Variants in SYCP1 observed in about 807,000 individuals in gnomAD.
SYCP1 encodes synaptonemal complex protein 1.
SYCP1 carries 64 observed loss-of-function variants against 153.1 expected under a neutral mutation model. The observed-to-expected ratio is 0.42, with a 90% CI of 0.34 to 0.51. The LOEUF (loss-of-function observed/expected upper bound fraction) is 0.51, where lower values mean the gene tolerates loss of function less well. Ranked by LOEUF, SYCP1 falls within the 20% of genes least tolerant of loss-of-function variation. SYCP1 has a pLI of 0.06. For synonymous variants in SYCP1, 384 were observed against 341.8 expected, an observed-to-expected ratio of 1.12 and a Z score of -1.36; for missense variants, 997 against 1,049.0, an observed-to-expected ratio of 0.95 and a Z score of 0.68.
At position 114,981,384 on chromosome 1, in the gene SYCP1, G is replaced by T; in HGVS notation, c.2431G>T (p.Asp811Tyr). The change falls in exon 29 of 32, where the codon GAT (aspartate) becomes TAT (tyrosine). Residue 811 changes from aspartate to tyrosine, a missense_variant. Coordinates refer to ENST00000369522, the MANE Select transcript of SYCP1 (RefSeq NM_003176.4). ...LETPEIYWKL[D>Y]SKAVPSQTVS... ...AACACCTGAAATTTATTGGAAATTG[G>T]ATTCTAAAGCAGTTCCTTCACAAAC... 4 of 1,603,100 alleles carry T rather than the reference G, an allele frequency of 2.5e-6. No homozygotes were observed. Among genetic ancestry groups the T allele is most frequent in the Non-Finnish European group, 3.4e-6 (4 of 1,176,494 alleles).
intron 15 of SYCP1, among the ~76,000 whole-genome samples, chr1:114,890,805 T>G (rs1444006153): frequency 1.3e-5 from 2 of 152,218 alleles, no homozygotes; most frequent in Non-Finnish European, 2.9e-5. Context: ...AACACCTAAC[T>G]CATAAAATAT....
intron 2 of SYCP1, 152 bp from the exon 3 acceptor site, chr1:114,856,421 C>A: frequency 2.3e-6 from 1 of 441,008 alleles, no homozygotes; most frequent in African/African-American, 2.0e-5. Flanking sequence ...ATAGAAAAGG[C>A]ATTTGATATT....
In SYCP1 at chr1:114,968,295, C is replaced by G. The variant is rs539326202; in HGVS notation, c.2323-9262C>G. ...TGTTTTCCAACTTGGTTCCATTCTC[C>G]CTGTCACTTTCAGGTACACCAATCA... On this transcript the variant is annotated intron_variant, in intron 27 of 31. Transcript: ENST00000369522. Among the ~76,000 whole-genome samples the G allele has an allele frequency of 5.9e-5, 9 of 152,280 alleles. No homozygotes were observed. In the East Asian group the frequency reaches 1.7e-3, roughly 29 times the overall value.
At chr1:114,897,378 A>G (rs1667141568) in intron 16 of SYCP1, among the ~76,000 whole-genome samples, 1 of 152,172 alleles carries the variant, frequency 6.6e-6, no homozygotes, top group African/African-American at 2.4e-5. Flanking sequence ...ATATGTATCA[A>G]AATAAAATGT....
intron 28 of SYCP1, 47 bp from the exon 29 acceptor site, chr1:114,981,289 A>G (rs1404762956): frequency 3.6e-6 from 5 of 1,374,658 alleles, no homozygotes; most frequent in Non-Finnish European, 4.0e-6. Flanking sequence ...TAAATAATTA[A>G]TGTGACATTT....
In SYCP1 at chr1:114,981,345, A is replaced by G. The variant is rs1024904543; in HGVS notation, c.2392A>G (p.Thr798Ala). The G allele has an allele frequency of 1.3e-6, 2 of 1,588,554 alleles. No homozygotes were observed. Among genetic ancestry groups the G allele is most frequent in the Non-Finnish European group, 1.7e-6 (2 of 1,171,110 alleles). ...TTGTTGTTCAATGCAGAAAACACAA[A>G]CATTTTTATTGGAAACACCTGAAAT... ...LKEKKDKKTQ[T>A]FLLETPEIYW... Residue 798 changes from threonine to alanine, a missense_variant, in exon 29 of 32, where the codon ACA (threonine) becomes GCA (alanine). This residue lies in a region of SYCP1 where 712 missense variants were observed against 682.9 expected (regional missense o/e 1.04). Coordinates refer to ENST00000369522, the MANE Select transcript of SYCP1 (RefSeq NM_003176.4).
intron 16 of SYCP1, among the ~76,000 whole-genome samples, chr1:114,899,371 A>T (rs377683259): frequency 2.0e-5 from 3 of 152,180 alleles, no homozygotes; most frequent in Admixed American, 6.5e-5. Flanking sequence ...AGTCAAAAAG[A>T]TTGCTTCAGT....
At chr1:114,988,775 T>G (rs770809952) in intron 30 of SYCP1, among the ~76,000 whole-genome samples, 4 of 152,054 alleles carry the variant, frequency 2.6e-5, no homozygotes, top group African/African-American at 4.8e-5. Flanking sequence ...ATTGTTATTC[T>G]GGTTTGTAAC....
intron 27 of SYCP1, among the ~76,000 whole-genome samples, chr1:114,959,552 C>A (rs943150162): frequency 3.3e-5 from 5 of 152,140 alleles, no homozygotes; most frequent in Admixed American, 6.5e-5. Flanking sequence ...GTATCCATCA[C>A]CTCAAGCATT....
In SYCP1 at chr1:114,944,925, T is replaced by C. The variant is rs1218455526; in HGVS notation, c.2097T>C (p.Ile699=). The change falls in exon 25 of 32, where the codon ATT becomes ATC. Residue 699 remains isoleucine (I), a synonymous_variant. Transcript: ENST00000369522. The part of the protein sequence containing the change: ...ADEAVKLQKE[I]DKRCQHKIAE... ...AAGCAGTAAAATTACAGAAAGAAAT[T>C]GATAAGCGATGTCAACATAAAATAG... 6.2e-7 allele frequency: 1 copy of C among 1,606,058 alleles called. No individual in the cohort carries two copies. The highest frequency in any genetic ancestry group is 1.3e-5 in the African/African-American group (1 of 74,620).
intron 8 of SYCP1, among the ~76,000 whole-genome samples, chr1:114,864,699 G>GCGA (rs2101346717): frequency 6.6e-6 from 1 of 152,050 alleles, no homozygotes; most frequent in South Asian, 2.1e-4. Flanking sequence ...TGTTGCCCAG[G>GCGA]ATAGTCTCAA....
chr1:114,878,890 A>T (rs1235011931), intron 12 of SYCP1, among the ~76,000 whole-genome samples: 1 of 152,192 alleles, frequency 6.6e-6, no homozygotes, highest in African/African-American at 2.4e-5. Context: ...TGATGGAGAG[A>T]GTTACTAATT....
chr1:114,964,538 G>C (rs971210977), intron 27 of SYCP1, among the ~76,000 whole-genome samples: 1 of 152,056 alleles, frequency 6.6e-6, no homozygotes, highest in Non-Finnish European at 1.5e-5. Flanking sequence ...AATCCATCTT[G>C]AGTTAATTTT....
chr1:114,987,594 G>A (rs1364236556), intron 30 of SYCP1, among the ~76,000 whole-genome samples: 2 of 152,058 alleles, frequency 1.3e-5, no homozygotes, highest in African/African-American at 4.8e-5. Context: ...GAGCCCAGGA[G>A]TTCAAAGTTA....
intron 26 of SYCP1, 73 bp from the exon 27 acceptor site, chr1:114,947,173 C>A: frequency 9.5e-7 from 1 of 1,057,882 alleles, no homozygotes; most frequent in Non-Finnish European, 1.4e-6. Context: ...TTACTCAGAG[C>A]ACTAGTTTAT....
chr1:114,921,301 T>C (rs11578566), intron 20 of SYCP1, among the ~76,000 whole-genome samples: 1 of 152,130 alleles, frequency 6.6e-6, no homozygotes, highest in Non-Finnish European at 1.5e-5. Context: ...AAACTTTTTG[T>C]TGTTTTTATT....
chr1:114,971,692 A>G (rs1040673370), intron 27 of SYCP1, among the ~76,000 whole-genome samples: 1 of 152,126 alleles, frequency 6.6e-6, no homozygotes, highest in African/African-American at 2.4e-5. Flanking sequence ...AATTGAAATG[A>G]TCATATGGTT....
intron 27 of SYCP1, among the ~76,000 whole-genome samples, chr1:114,962,099 G>C (rs1428397567): frequency 1.3e-5 from 2 of 150,182 alleles, no homozygotes; most frequent in African/African-American, 4.9e-5. Flanking sequence ...TGCATCAGCC[G>C]CCTGAGTAGA....
chr1:114,974,667 G>A (rs1159177869), intron 27 of SYCP1, among the ~76,000 whole-genome samples: 3 of 151,674 alleles, frequency 2.0e-5, no homozygotes, highest in Non-Finnish European at 4.4e-5. Flanking sequence ...GTAACAGGAT[G>A]CCCTTTTTAA....
Sources: gnomAD v4.1 joint callset for allele counts (sites outside exome capture counted in the v4.1 genomes callset) on GRCh38, gnomAD v4.1.1 for gene constraint, gnomAD v4.1.1 regional missense constraint, MANE v1.5 for transcripts, NCBI Gene and HGNC (gene_info 2026-07-23, HGNC 2026-07-21) for gene names.